Variants in SRGAP1 observed in about 807,000 individuals in gnomAD.
SRGAP1 encodes the protein SLIT-ROBO Rho GTPase-activating protein 1.
Under a neutral mutation model 121.9 loss-of-function variants are expected in SRGAP1, and 43 were observed. The observed-to-expected ratio is 0.35, with a 90% confidence interval of 0.28 to 0.46. The LOEUF is 0.46. Among genes scored for constraint, SRGAP1 ranks in the 20% least tolerant of loss-of-function variants. SRGAP1 has a pLI of 1.00. For synonymous variants in SRGAP1, 447 were observed against 485.4 expected, an observed-to-expected ratio of 0.92 and a Z score of 1.04; for missense variants, 1,102 against 1,350.9, an observed-to-expected ratio of 0.82 and a Z score of 2.89.
rs2036978455 is a variant in SRGAP1 at position 64,142,350 on chromosome 12, A to G, written c.2936A>G (p.Gln979Arg). 2 of 1,614,162 alleles carry G rather than the reference A, an allele frequency of 1.2e-6. No homozygotes were observed. The highest frequency in any genetic ancestry group is 1.7e-6 in the Non-Finnish European group (2 of 1,180,020). The change falls in exon 22 of 22, where the codon CAG becomes CGG. Residue 979 changes from glutamine to arginine, a missense_variant. This residue lies in a region of SRGAP1 where 315 missense variants were observed against 343.1 expected (regional missense o/e 0.92). Transcript: ENST00000355086. The stretch of plus-strand genomic sequence containing the variant: ...AATGAACTCCGAGAACTGGAGAGAC[A>G]GAGCACAGCAAAGCATGCCCCTGAT... Reference protein sequence around the residue: ...ALNELRELERQSTAKHAPDVV... With the variant: ...ALNELRELERRSTAKHAPDVV...
chr12:63,954,783 G>C (rs2032410947), intron 1 of SRGAP1, among the ~76,000 whole-genome samples: 1 of 151,964 alleles, frequency 6.6e-6, no homozygotes, highest in Non-Finnish European at 1.5e-5. Flanking sequence ...GAGCTTTGCT[G>C]CTTCCTAGTT....
Position 64,012,040 on chromosome 12 carries a change from T to A in SRGAP1, c.427-4910T>A, listed in dbSNP as rs1405945304. Among the ~76,000 whole-genome samples the A allele has an allele frequency of 1.1e-3, 162 of 152,198 alleles. 1 individual carries two copies. The highest frequency in any genetic ancestry group is 3.8e-3 in the African/African-American group (157 of 41,494). ...TCAGGCCACTGCACTTCAGCCTAGG[T>A]GACAGAGGGAGACCCTGTGTCAAAC... On this transcript the variant is annotated intron_variant, in intron 3 of 21. Transcript: ENST00000355086.
At chr12:64,115,278 CAAGTT>C (rs924729662) in intron 17 of SRGAP1, among the ~76,000 whole-genome samples, 4 of 152,114 alleles carry the variant, frequency 2.6e-5, no homozygotes, top group African/African-American at 7.3e-5. Context: ...CCATTTTTTA[CAAGTT>C]AACTTCTGTC....
At chr12:63,943,839 A>G (rs1256132921) in intron 1 of SRGAP1, among the ~76,000 whole-genome samples, 1 of 152,240 alleles carries the variant, frequency 6.6e-6, no homozygotes, top group Non-Finnish European at 1.5e-5. Flanking sequence ...TGGCTGGAAT[A>G]TGAAACCATA....
chr12:64,091,229 ATT>A, intron 11 of SRGAP1, 45 bp from the exon 12 acceptor site: 1 of 1,364,880 alleles, frequency 7.3e-7, no homozygotes, highest in Middle Eastern at 1.9e-4. Context: ...TGTTTCATTT[ATT>A]GTTTGATTTC....
chr12:63,931,857 G>A (rs1028207872), intron 1 of SRGAP1, among the ~76,000 whole-genome samples: 2 of 152,144 alleles, frequency 1.3e-5, no homozygotes, highest in African/African-American at 4.8e-5. Flanking sequence ...AATAGACAAA[G>A]GAATGAGGGC....
At chr12:63,935,815 C>A (rs921698958) in intron 1 of SRGAP1, among the ~76,000 whole-genome samples, 1 of 152,074 alleles carries the variant, frequency 6.6e-6, no homozygotes, top group East Asian at 1.9e-4. Context: ...TATGAAGCAG[C>A]AAGTGTCTTG....
chr12:64,061,996 G>A (rs1253381051), intron 6 of SRGAP1, among the ~76,000 whole-genome samples: 1 of 150,078 alleles, frequency 6.7e-6, no homozygotes, highest in Non-Finnish European at 1.5e-5. Context: ...AAACATTTGT[G>A]TGCACATTTT....
intron 1 of SRGAP1, among the ~76,000 whole-genome samples, chr12:63,951,521 T>C (rs527635983): frequency 1.1e-4 from 16 of 152,268 alleles, no homozygotes; most frequent in African/African-American, 3.9e-4. Context: ...GAAGAATGTG[T>C]TCCAGCAGCC....
At chr12:64,024,658 G>A (rs1235485273) in intron 4 of SRGAP1, among the ~76,000 whole-genome samples, 1 of 152,126 alleles carries the variant, frequency 6.6e-6, no homozygotes, top group Non-Finnish European at 1.5e-5. Flanking sequence ...TTTTCACACT[G>A]CAATGAAGAA....
At chr12:64,093,256 T>C (rs575596342) in intron 12 of SRGAP1, among the ~76,000 whole-genome samples, 13 of 152,090 alleles carry the variant, frequency 8.5e-5, no homozygotes, top group Non-Finnish European at 1.8e-4. Flanking sequence ...AAAATTAAAT[T>C]AAATTAAATC....
intron 4 of SRGAP1, among the ~76,000 whole-genome samples, chr12:64,019,459 T>C (rs1430189832): frequency 1.3e-5 from 2 of 152,158 alleles, no homozygotes; most frequent in African/African-American, 4.8e-5. Flanking sequence ...ATGTCATCTG[T>C]AGATCACTTT....
chr12:64,024,376 A>G lies in SRGAP1; in HGVS notation c.489+7364A>G, dbSNP rs572205202. 1.3e-3 allele frequency among the ~76,000 whole-genome samples: 197 copies of G among 152,298 alleles called. 1 individual carries two copies. Among genetic ancestry groups the G allele is most frequent in the Admixed American group, 2.2e-3 (34 of 15,304 alleles). ...AGTCCAGGAGGTCAAGACTGCAATGAGCCATGATTGCGCTACTGCGCTCCA... is the reference window on the plus strand; with the variant it reads ...AGTCCAGGAGGTCAAGACTGCAATGGGCCATGATTGCGCTACTGCGCTCCA... On this transcript the variant is annotated intron_variant, in intron 4 of 21. Coordinates refer to ENST00000355086, the MANE Select transcript of SRGAP1 (RefSeq NM_020762.4).
chr12:64,018,477 C>A (rs896209553), intron 4 of SRGAP1, among the ~76,000 whole-genome samples: 1 of 152,094 alleles, frequency 6.6e-6, no homozygotes, highest in Non-Finnish European at 1.5e-5. Flanking sequence ...TAAAAAGGCA[C>A]GTGTGTAAAA....
Position 64,091,390 on chromosome 12 carries a change from AG to A in SRGAP1, c.1539+13del. The A allele has an allele frequency of 1.9e-6, 3 of 1,590,040 alleles. No individual in the cohort carries two copies. The highest frequency in any genetic ancestry group is 2.6e-6 in the Non-Finnish European group (3 of 1,163,092). ...AAACATTCGTCAAGGTACTGGCACC[AG>A]CCATCTGGGTGGCTGATCTCCATGC... On this transcript the variant is annotated intron_variant, in intron 12 of 21. Transcript: ENST00000355086.
chr12:64,043,380 T>C, intron 5 of SRGAP1, 67 bp from the exon 6 acceptor site: 4 of 1,478,852 alleles, frequency 2.7e-6, no homozygotes, highest in Non-Finnish European at 9.2e-7. Flanking sequence ...AATGCATGTA[T>C]GTTTCTCTGT....
At chr12:63,880,962 C>G (rs1900176016) in intron 1 of SRGAP1, among the ~76,000 whole-genome samples, 1 of 152,042 alleles carries the variant, frequency 6.6e-6, no homozygotes, top group Non-Finnish European at 1.5e-5. Flanking sequence ...GGGTCCCTCT[C>G]AAAAACACAA....
At chr12:64,119,547 T>C (rs2036572077) in intron 18 of SRGAP1, among the ~76,000 whole-genome samples, 1 of 152,136 alleles carries the variant, frequency 6.6e-6, no homozygotes, top group Non-Finnish European at 1.5e-5. Context: ...AAATAAACTT[T>C]TTATTCTTTC....
intron 10 of SRGAP1, among the ~76,000 whole-genome samples, chr12:64,086,039 T>C (rs1480826873): frequency 1.3e-5 from 2 of 152,236 alleles, no homozygotes; most frequent in South Asian, 2.1e-4. Flanking sequence ...GGTTCACCAT[T>C]CCCAACAAGC....
Sources: gnomAD v4.1 joint callset for allele counts (sites outside exome capture counted in the v4.1 genomes callset) on GRCh38, gnomAD v4.1.1 for gene constraint, gnomAD v4.1.1 regional missense constraint, MANE v1.5 for transcripts, NCBI Gene and HGNC (gene_info 2026-07-23, HGNC 2026-07-21) for gene names.